BMS1: variants seen among roughly 807,000 people sequenced by gnomAD.
The protein encoded by BMS1 is ribosome biogenesis protein BMS1 homolog.
In BMS1, 53 loss-of-function variants were observed where a neutral mutation model predicts 138.7. That is an observed-to-expected ratio of 0.38 (90% CI 0.31 to 0.48). BMS1 has a LOEUF of 0.48. Among genes scored for constraint, BMS1 ranks in the 20% least tolerant of loss-of-function variants. BMS1 has a pLI of 0.97. For missense variants in BMS1, 1,360 were observed against 1,565.5 expected, an observed-to-expected ratio of 0.87 and a Z score of 2.22; for synonymous variants, 504 against 539.9, an observed-to-expected ratio of 0.93 and a Z score of 0.92.
At chr10:42,792,818 G>A in intron 7 of BMS1, 139 bp from the exon 8 acceptor site, 1 of 1,283,088 alleles carries the variant, frequency 7.8e-7, no homozygotes, top group Non-Finnish European at 1.1e-6. Flanking sequence ...GGGGGCCACT[G>A]TTCCAGTGTG....
rs944943976 is a variant in BMS1, at chr10:42,798,335, A to G, written c.2090-133A>G. On this transcript the variant is annotated intron_variant, in intron 11 of 22. Transcript: ENST00000374518. ...CTCAATGCCTAACTCTTATGTGGCCATTGCCATACCCACCACAGACAGAGT... is the reference window on the plus strand; with the variant it reads ...CTCAATGCCTAACTCTTATGTGGCCGTTGCCATACCCACCACAGACAGAGT... The G allele has an allele frequency of 5.4e-6, 6 of 1,109,262 alleles. No individual in the cohort carries two copies. The African/African-American group carries it at 7.9e-5, about 15-fold the overall frequency. 68.7% of individuals were successfully genotyped at this position (1,109,262 alleles called of 1,614,324 possible). A position where few individuals can be genotyped will look rare whatever the true frequency, so the allele number is the denominator to read the frequency against.
intron 13 of BMS1, among the ~76,000 whole-genome samples, chr10:42,814,731 C>A (rs1842290113): frequency 6.6e-6 from 1 of 152,184 alleles, no homozygotes; most frequent in South Asian, 2.1e-4. Context: ...CACTGGGATT[C>A]TCCCACCAGT....
chr10:42,783,150 GAC>G (rs754317535), intron 1 of BMS1, among the ~76,000 whole-genome samples: 9 of 152,162 alleles, frequency 5.9e-5, no homozygotes, highest in Non-Finnish European at 1.2e-4. Context: ...CAAGAAGAAA[GAC>G]AGGGAGAGAA....
At position 42,797,078 on chromosome 10, in the gene BMS1, G is replaced by C. The variant is rs781001849; in HGVS notation, c.1834G>C (p.Ala612Pro). The change falls in exon 10 of 23, where the codon GCT becomes CCT. Residue 612 changes from alanine (A) to proline (P), a missense_variant. Physicochemically the swap from Ala to Pro is conservative, Grantham distance 27. Around this residue, in one of 3 missense-constraint regions of BMS1, gnomAD observed 697 missense variants for 686.2 expected, o/e 1.02. Coordinates refer to ENST00000374518, the MANE Select transcript of BMS1 (RefSeq NM_014753.4). ...GGAAGAAGACTCAGAAAATGAAGAG[G>C]CTATTAGAAAAAAGCTTTCAAAGCC... ...AEEEDSENEE[A>P]IRKKLSKPSQ... is the part of the protein sequence containing the mutation. 3.7e-6 allele frequency: 6 copies of C among 1,614,088 alleles called. No homozygotes were observed. Among genetic ancestry groups the C allele is most frequent in the African/African-American group, 1.3e-5 (1 of 74,932 alleles).
chr10:42,828,508 G>T (rs1842718218), intron 21 of BMS1, among the ~76,000 whole-genome samples: 4 of 152,148 alleles, frequency 2.6e-5, no homozygotes, highest in Admixed American at 2.6e-4. Context: ...CAGTGTGGAG[G>T]CTTCTGTGTC....
intron 13 of BMS1, among the ~76,000 whole-genome samples, chr10:42,807,159 G>A (rs1293791778): frequency 1.3e-5 from 2 of 152,156 alleles, no homozygotes; most frequent in Admixed American, 6.6e-5. Flanking sequence ...AGGATTGCTT[G>A]TATTGCTGTT....
At chr10:42,820,722 A>C (rs3982211) in intron 17 of BMS1, 34 bp downstream of exon 17, 1 of 1,599,410 alleles carries the variant, frequency 6.3e-7, no homozygotes, top group Non-Finnish European at 8.5e-7. Context: ...GCCTGTTGCC[A>C]AGATTAAACC....
chr10:42,814,856 T>G (rs1842295952), intron 13 of BMS1, among the ~76,000 whole-genome samples: 3 of 152,078 alleles, frequency 2.0e-5, no homozygotes, highest in Admixed American at 2.0e-4. Context: ...GTTTTCTTGT[T>G]ATGGGGAAGA....
Position 42,834,562 on chromosome 10 carries a change from T to C in BMS1, c.*3466T>C, listed in dbSNP as rs1224516546. ...AGTTTATTTCATGGTTTTAAAGTAT[T>C]GTACATTTTTATAATCCTTTAACAA... On this transcript the variant is annotated 3_prime_UTR_variant, in exon 23 of 23. Coordinates refer to ENST00000374518, the MANE Select transcript of BMS1 (RefSeq NM_014753.4). The C allele has an allele frequency of 6.6e-6, 1 of 152,196 alleles. No homozygotes were observed. Among genetic ancestry groups the C allele is most frequent in the Non-Finnish European group, 1.5e-5 (1 of 68,034 alleles). 9.4% of individuals were successfully genotyped at this position (152,196 alleles called of 1,614,324 possible). A position where few individuals can be genotyped will look rare whatever the true frequency, so the allele number is the denominator to read the frequency against.
Position 42,796,625 on chromosome 10 carries a change from A to G in BMS1, c.1381A>G (p.Ser461Gly). Residue 461 changes from serine (S) to glycine (G), a missense_variant, in exon 10 of 23, where the codon AGT becomes GGT. Coordinates refer to ENST00000374518, the MANE Select transcript of BMS1 (RefSeq NM_014753.4). ...SEDDGLENGS[S>G]DEEAEEEENA... ...AGATGACGGGTTGGAAAACGGCTCT[A>G]GTGATGAGGAAGCAGAAGAGGAGGA... 4 of 1,614,190 alleles carry G rather than the reference A, an allele frequency of 2.5e-6. No individual in the cohort carries two copies. Among genetic ancestry groups the G allele is most frequent in the Non-Finnish European group, 2.5e-6 (3 of 1,180,042 alleles).
intron 13 of BMS1, among the ~76,000 whole-genome samples, chr10:42,811,272 A>G (rs1842168554): frequency 1.3e-5 from 2 of 151,846 alleles, no homozygotes; most frequent in African/African-American, 2.4e-5. Context: ...CAAGCTCCCA[A>G]CCTCAGTTGA....
intron 18 of BMS1, among the ~76,000 whole-genome samples, chr10:42,821,849 G>A (rs1272215208): frequency 1.3e-5 from 2 of 152,090 alleles, no homozygotes; most frequent in Non-Finnish European, 2.9e-5. Context: ...CACTGTGCTC[G>A]GCCTCAAGTC....
Position 42,823,664 on chromosome 10 carries a change from A to G in BMS1, c.3336A>G (p.Pro1112=). 1.3e-6 allele frequency: 2 copies of G among 1,595,834 alleles called. No individual in the cohort carries two copies. Among genetic ancestry groups the G allele is most frequent in the Non-Finnish European group, 1.7e-6 (2 of 1,179,506 alleles). The change falls in exon 21 of 23, where the codon CCA becomes CCG. Residue 1112 remains proline (P), a synonymous_variant. Transcript: ENST00000374518. ...YPVSIPAFYN[P]VTSLLKPVGE... ...TTTCCATCCCAGCGTTCTATAACCC[A>G]GTAACATCTTTGTTGAAACCAGTGG...
intron 13 of BMS1, among the ~76,000 whole-genome samples, chr10:42,813,114 C>T (rs1364550042): frequency 2.0e-5 from 3 of 152,166 alleles, no homozygotes; most frequent in Admixed American, 2.0e-4. Context: ...CTCCTGCTTC[C>T]TTAAAAAATT....
At chr10:42,801,213 CAT>C (rs1250490419) in intron 12 of BMS1, among the ~76,000 whole-genome samples, 1 of 152,190 alleles carries the variant, frequency 6.6e-6, no homozygotes, top group Admixed American at 6.5e-5. Context: ...CAGGAGAGCT[CAT>C]ATAGATATTT....
rs1287215968 is a variant in BMS1, at chr10:42,796,489, G to C, written c.1245G>C (p.Lys415Asn). Residue 415 changes from lysine to asparagine, a missense_variant, in exon 10 of 23, where the codon AAG (lysine) becomes AAC (asparagine). This residue lies in a region of BMS1 where 697 missense variants were observed against 686.2 expected (regional missense o/e 1.02). Coordinates refer to ENST00000374518, the MANE Select transcript of BMS1 (RefSeq NM_014753.4). ...DIDNQGLMMP[K>N]EEKQMDLNTG... ...GGTAATACAGGCTAATGATGCCAAAGGAGGAAAAACAAATGGACTTGAACA... is the reference window on the plus strand; with the variant it reads ...GGTAATACAGGCTAATGATGCCAAACGAGGAAAAACAAATGGACTTGAACA... 1 of 1,612,448 alleles carries C rather than the reference G, an allele frequency of 6.2e-7. No individual in the cohort carries two copies. Among genetic ancestry groups the C allele is most frequent in the South Asian group, 1.1e-5 (1 of 91,028 alleles).
intron 9 of BMS1, among the ~76,000 whole-genome samples, chr10:42,795,418 C>G (rs1291240775): frequency 4.0e-5 from 6 of 151,850 alleles, no homozygotes; most frequent in Non-Finnish European, 7.4e-5. Flanking sequence ...CTCCCAGGCT[C>G]AAGTGGTCCT....
rs1486787555 is a variant in BMS1, at chr10:42,820,175, T to A, written c.2581-61T>A. The A allele has an allele frequency of 4.4e-6, 7 of 1,576,064 alleles. No homozygotes were observed. In the Admixed American group the frequency reaches 6.9e-5, roughly 16 times the overall value. ...CTTAGAAATTGCTCATTTGTTCATG[T>A]TAATCTTATGTTTATTACAGATAAC... On this transcript the variant is annotated intron_variant, in intron 15 of 22. Coordinates refer to ENST00000374518, the MANE Select transcript of BMS1 (RefSeq NM_014753.4).
chr10:42,788,545 A>C (rs1184779943), intron 4 of BMS1, among the ~76,000 whole-genome samples: 1 of 151,974 alleles, frequency 6.6e-6, no homozygotes, highest in African/African-American at 2.4e-5. Flanking sequence ...TTATATAATA[A>C]ATTATAGTCA....
Sources: allele counts gnomAD v4.1 joint callset (sites outside exome capture counted in the v4.1 genomes callset), GRCh38; gene constraint gnomAD v4.1.1; regional missense constraint gnomAD v4.1.1; transcripts MANE v1.5; gene names NCBI Gene and HGNC (gene_info 2026-07-23, HGNC 2026-07-21).